Variants in LILRB2 observed in about 807,000 individuals in gnomAD.
LILRB2 encodes the protein leukocyte immunoglobulin-like receptor subfamily B member 2.
Under a neutral mutation model 72.7 loss-of-function variants are expected in LILRB2, and 47 were observed. The observed-to-expected ratio is 0.65, with a 90% CI of 0.51 to 0.82. LILRB2 has a LOEUF of 0.82. Among genes scored for constraint, LILRB2 ranks in the 40% least tolerant of loss-of-function variants. LILRB2 has a pLI of 0.00. For missense variants in LILRB2, 767 were observed against 764.8 expected (o/e 1.00, Z -0.03); for synonymous variants, 279 against 313.7 (o/e 0.89, Z 1.17).
intron 13 of LILRB2, 34 bp downstream of exon 13, chr19:54,275,917 G>A: frequency 2.5e-6 from 4 of 1,610,592 alleles, no homozygotes; most frequent in Non-Finnish European, 3.4e-6. Flanking sequence ...GCACCAGGAG[G>A]CCTTTGGTGC....
At chr19:54,279,191 T>C (rs533889513) in intron 5 of LILRB2, 83 bp from the exon 6 acceptor site, 81 of 1,558,542 alleles carry the variant, frequency 5.2e-5, no homozygotes, top group South Asian at 1.2e-4. Flanking sequence ...GCCTCACCAC[T>C]GCTGATCTTC....
At chr19:54,278,158 C>T (rs1259110486) in intron 7 of LILRB2, 102 bp downstream of exon 7, 76 of 1,490,048 alleles carry the variant, frequency 5.1e-5, no homozygotes, top group African/African-American at 8.4e-5. Flanking sequence ...GGCTGAGCCC[C>T]GCTCAGACCC....
intron 10 of LILRB2, 157 bp from the exon 11 acceptor site, chr19:54,276,613 T>G: frequency 1.4e-6 from 2 of 1,427,414 alleles, no homozygotes; most frequent in Non-Finnish European, 1.9e-6. Flanking sequence ...ACTTTACATT[T>G]GTAGATGGGA....
At position 54,276,299 on chromosome 19, in the gene LILRB2, G is replaced by T; in HGVS notation, c.1559C>A (p.Ser520Tyr). 6.2e-7 allele frequency: 1 copy of T among 1,614,126 alleles called. No homozygotes were observed. Among genetic ancestry groups the T allele is most frequent in the South Asian group, 1.1e-5 (1 of 91,084 alleles). Reference sequence around the variant, plus strand: ...TTCCTGGGCGTCGGCAGCTGGGCTGGACCTGGGGGAGGAATGGGAGCTTTA... The same window carrying T: ...TTCCTGGGCGTCGGCAGCTGGGCTGTACCTGGGGGAGGAATGGGAGCTTTA... ...EPTDRGLQWR[S>Y]SPAADAQEEN... is the part of the protein sequence containing the mutation. The change falls in exon 12 of 14, where the codon TCC becomes TAC. Residue 520 changes from serine (S) to tyrosine (Y), a missense_variant and splice_region_variant. Coordinates refer to ENST00000314446, the MANE Select transcript of LILRB2 (RefSeq NM_001080978.4).
chr19:54,278,627 C>G (rs2080376951), intron 6 of LILRB2, 65 bp from the exon 7 acceptor site: 16 of 1,574,940 alleles, frequency 1.0e-5, no homozygotes, highest in Non-Finnish European at 1.4e-5. Flanking sequence ...CTCCCCAGGC[C>G]TCTCTAGGAG....
In LILRB2 at chr19:54,275,980, G is replaced by T; in HGVS notation, c.1618C>A (p.Pro540Thr). Residue 540 changes from proline (P) to threonine (T), a missense_variant, in exon 13 of 14, where the codon CCT (proline) becomes ACT (threonine). Physicochemically the swap from Pro to Thr is conservative, Grantham distance 38. Transcript: ENST00000314446. ...NLYAAVKDTQPEDGVEMDTRA... is the reference protein window; with the variant it reads ...NLYAAVKDTQTEDGVEMDTRA... The stretch of plus-strand genomic sequence containing the variant: ...GTGTCCATCTCCACCCCATCTTCAG[G>T]CTGTGTGTCCTTCACGGCAGCATCT... 1 of 1,614,122 alleles carries T rather than the reference G, an allele frequency of 6.2e-7. No individual in the cohort carries two copies. The highest frequency in any genetic ancestry group is 1.1e-5 in the South Asian group (1 of 91,088).
intron 13 of LILRB2, chr19:54,275,476 C>T: frequency 1.9e-6 from 1 of 519,868 alleles, no homozygotes; most frequent in Non-Finnish European, 3.8e-6. Flanking sequence ...GGTGTATGTT[C>T]CTTTAAGCAC....
chr19:54,275,172 G>T, intron 13 of LILRB2: 2 of 1,452,266 alleles, frequency 1.4e-6, no homozygotes, highest in South Asian at 1.3e-5. Flanking sequence ...TTTCCCGATG[G>T]AATCTCAGGG....
rs565798843 is a variant in LILRB2 at position 54,274,313 on chromosome 19, A to G, written c.*370T>C. 1.4e-4 allele frequency: 27 copies of G among 189,174 alleles called. No homozygotes were observed. The highest frequency in any genetic ancestry group is 2.3e-4 in the Non-Finnish European group (22 of 94,758). 11.7% of individuals were successfully genotyped at this position (189,174 alleles called of 1,614,324 possible). On this transcript the variant is annotated 3_prime_UTR_variant, in exon 14 of 14. Coordinates refer to ENST00000314446, the MANE Select transcript of LILRB2 (RefSeq NM_001080978.4). ...AATTCCTTATACGAAAGCCAACGTC[A>G]TTCATTTCCTAGTTTTTTTTTTTCG... is the stretch of plus-strand genomic sequence containing the variant.
chr19:54,278,862 A>G lies in LILRB2; in HGVS notation c.905T>C (p.Leu302Pro), dbSNP rs1228920944. Reference sequence around the variant, plus strand: ...GCTGGGGGCCGAGCACTCAGAGGAGAGGTTGTGTGCACCGTAGCATCTGTA... The same window carrying G: ...GCTGGGGGCCGAGCACTCAGAGGAGGGGTTGTGTGCACCGTAGCATCTGTA... ...GQYRCYGAHN[L>P]SSECSAPSDP... Residue 302 changes from leucine to proline, a missense_variant, in exon 6 of 14, where the codon CTC becomes CCC. Transcript: ENST00000314446. The G allele has an allele frequency of 6.2e-7, 1 of 1,613,496 alleles. No individual in the cohort carries two copies.
At chr19:54,275,698 G>C (rs1054062072) in intron 13 of LILRB2, 1 of 632,848 alleles carries the variant, frequency 1.6e-6, no homozygotes, top group African/African-American at 1.8e-5. Context: ...TCCTCCAGAG[G>C]CCTGGGGAGC....
chr19:54,277,771 A>G (rs1305488250), intron 8 of LILRB2, 118 bp downstream of exon 8: 35 of 1,320,696 alleles, frequency 2.7e-5, no homozygotes, highest in Middle Eastern at 1.8e-4. Context: ...GGCTCTGCCC[A>G]GCTCCCTGGA....
chr19:54,276,558 C>T, intron 10 of LILRB2, 102 bp from the exon 11 acceptor site: 2 of 1,397,600 alleles, frequency 1.4e-6, no homozygotes, highest in Admixed American at 2.5e-5. Context: ...ACACTCCTGC[C>T]TCCATGTTCC....
Position 54,274,670 on chromosome 19 carries a change from C to T in LILRB2, c.*13G>A, listed in dbSNP as rs1274217244. The stretch of plus-strand genomic sequence containing the variant: ...CTCCTTCTACTGAGTGTGGAGTCTG[C>T]GTACCCTCCGGGCTAGTGGATGGCC... On this transcript the variant is annotated 3_prime_UTR_variant, in exon 14 of 14. Transcript: ENST00000314446. The T allele has an allele frequency of 9.3e-6, 15 of 1,613,874 alleles. 1 individual carries two copies. In the South Asian group the frequency reaches 9.9e-5, roughly 11 times the overall value.
At chr19:54,277,717 C>T in intron 8 of LILRB2, 120 bp from the exon 9 acceptor site, 6 of 1,371,162 alleles carry the variant, frequency 4.4e-6, no homozygotes, top group Non-Finnish European at 6.0e-6. Flanking sequence ...CCACCCCTCA[C>T]CAGCCCAGCC....
intron 9 of LILRB2, 97 bp from the exon 10 acceptor site, chr19:54,277,026 C>A: frequency 6.6e-7 from 1 of 1,520,618 alleles, no homozygotes; most frequent in South Asian, 1.2e-5. Flanking sequence ...CCACCTCCAA[C>A]CCCCACAACA....
In LILRB2 at chr19:54,279,537, A is replaced by G; in HGVS notation, c.466T>C (p.Cys156Arg). Residue 156 changes from cysteine to arginine, a missense_variant, in exon 5 of 14, where the codon TGT becomes CGT. By Grantham distance (180) the Cys-to-Arg change is radical. Coordinates refer to ENST00000314446, the MANE Select transcript of LILRB2 (RefSeq NM_001080978.4). ...SQVAFGGFILCKEGEDEHPQC... is the reference protein window; with the variant it reads ...SQVAFGGFILRKEGEDEHPQC... ...GGGTGTTCATCTTCTCCTTCCTTAC[A>G]CAGAATGAAGCCGCCAAATGCCACC... 1 of 1,613,928 alleles carries G rather than the reference A, an allele frequency of 6.2e-7. No individual in the cohort carries two copies. Among genetic ancestry groups the G allele is most frequent in the Non-Finnish European group, 8.5e-7 (1 of 1,179,964 alleles).
At position 54,279,077 on chromosome 19, in the gene LILRB2, C is replaced by A. The variant is rs1289003589; in HGVS notation, c.690G>T (p.Gln230His). 1 of 1,614,030 alleles carries A rather than the reference C, an allele frequency of 6.2e-7. No homozygotes were observed. Among genetic ancestry groups the A allele is most frequent in the East Asian group, 2.2e-5 (1 of 44,882 alleles). ...GVSKKPSLSV[Q>H]PGPVMAPGES... is the part of the protein sequence containing the mutation. ...CCCCAGGGGCCATGACAGGACCCGG[C>A]TGCACTGAGAGTGATGGCTTCTTAG... is the stretch of plus-strand genomic sequence containing the variant. The change falls in exon 6 of 14, where the codon CAG becomes CAT. Residue 230 changes from glutamine (Q) to histidine (H), a missense_variant. Around this residue, in one of 3 missense-constraint regions of LILRB2, gnomAD observed 599 missense variants for 568.2 expected, o/e 1.05. Coordinates refer to ENST00000314446, the MANE Select transcript of LILRB2 (RefSeq NM_001080978.4).
At chr19:54,279,736 G>A in intron 4 of LILRB2, 55 bp downstream of exon 4, 1 of 1,609,748 alleles carries the variant, frequency 6.2e-7, no homozygotes, top group Non-Finnish European at 8.5e-7. Flanking sequence ...ACACCCCTGA[G>A]AGCCTCCTTC....
Sources: gnomAD v4.1 joint callset for allele counts on GRCh38, gnomAD v4.1.1 for gene constraint, gnomAD v4.1.1 regional missense constraint, MANE v1.5 for transcripts, NCBI Gene and HGNC (gene_info 2026-07-23, HGNC 2026-07-21) for gene names.